EYA3: variants seen among roughly 807,000 people sequenced by gnomAD.
EYA3 encodes the protein protein phosphatase EYA3.
Under a neutral mutation model 80.0 loss-of-function variants are expected in EYA3, and 39 were observed. The ratio of observed to expected loss-of-function variants is 0.49; its 90% confidence interval spans 0.38 to 0.64. EYA3 has a LOEUF of 0.64. Among genes scored for constraint, EYA3 ranks in the 30% least tolerant of loss-of-function variants. The pLI is 0.00. For missense variants in EYA3, 523 were observed against 676.1 expected, an observed-to-expected ratio of 0.77 and a Z score of 2.51; for synonymous variants, 206 against 232.8, an observed-to-expected ratio of 0.88 and a Z score of 1.05.
chr1:28,036,631 TGCCACCATATCAGGGATA>T (rs767529066), intron 5 of EYA3, among the ~76,000 whole-genome samples: 36 of 152,358 alleles, frequency 2.4e-4, no homozygotes, highest in Non-Finnish European at 4.6e-4. Context: ...CACTAGTTGG[TGCCACCATATCAGGGATA>T]GCTAGAGATT....
intron 3 of EYA3, 126 bp downstream of exon 3, chr1:28,048,257 C>A (rs1311574443): frequency 3.4e-6 from 2 of 588,570 alleles, no homozygotes; most frequent in African/African-American, 1.9e-5. Flanking sequence ...CAAATAATTT[C>A]AAAATGTAAC....
intron 1 of EYA3, among the ~76,000 whole-genome samples, chr1:28,082,734 A>G (rs1392899930): frequency 6.6e-6 from 1 of 152,174 alleles, no homozygotes. Context: ...TTTTAAGACT[A>G]TTACATAAAT....
At chr1:27,977,276 C>A in intron 17 of EYA3, 2 of 1,545,532 alleles carry the variant, frequency 1.3e-6, no homozygotes, top group Non-Finnish European at 1.7e-6. Context: ...CAACTGATTA[C>A]CAATCTCATA....
At chr1:28,066,006 C>CA (rs1034812456) in intron 1 of EYA3, among the ~76,000 whole-genome samples, 255 of 124,660 alleles carry the variant, frequency 2.0e-3, no homozygotes, top group African/African-American at 3.9e-3. Flanking sequence ...AACTCTGTCT[C>CA]AAAAAAAAAA....
chr1:28,035,552 G>T lies in EYA3; in HGVS notation c.353C>A (p.Pro118His). ...YPQATQTYGL[P>H]PFGALWPGMK... is the part of the protein sequence containing the mutation. ...ACAATACAGTGCCTTACCAAAAGGA[G>T]GTAGTCCATACGTTTGGGTTGCCTG... is the stretch of plus-strand genomic sequence containing the variant. Residue 118 changes from proline to histidine, a missense_variant, in exon 6 of 18, where the codon CCT (proline) becomes CAT (histidine). Around this residue, in one of 2 missense-constraint regions of EYA3, gnomAD observed 304 missense variants for 343.3 expected, o/e 0.89. Transcript: ENST00000373871. 2.5e-6 allele frequency: 4 copies of T among 1,613,134 alleles called. No individual in the cohort carries two copies. Among genetic ancestry groups the T allele is most frequent in the Non-Finnish European group, 3.4e-6 (4 of 1,179,730 alleles).
chr1:27,994,233 G>C (rs748054220), intron 13 of EYA3, among the ~76,000 whole-genome samples: 1 of 152,168 alleles, frequency 6.6e-6, no homozygotes, highest in Admixed American at 6.5e-5. Context: ...CAGCTGTCAC[G>C]TGAGAACATT....
chr1:27,977,161 G>A, intron 17 of EYA3: 1 of 1,433,818 alleles, frequency 7.0e-7, no homozygotes, highest in Non-Finnish European at 9.1e-7. Flanking sequence ...CCCAAAGAGG[G>A]CAACAAGAAG....
At chr1:27,988,324 T>C in intron 16 of EYA3, 1 of 507,492 alleles carries the variant, frequency 2.0e-6, no homozygotes, top group Non-Finnish European at 3.5e-6. Flanking sequence ...TCAAAGAGCA[T>C]GCTTATGTAA....
intron 2 of EYA3, among the ~76,000 whole-genome samples, chr1:28,057,464 G>A (rs970729508): frequency 6.6e-6 from 1 of 151,488 alleles, no homozygotes; most frequent in Admixed American, 6.6e-5. Flanking sequence ...AAATATTAAG[G>A]GCCAAAAACC....
chr1:28,077,596 A>G (rs1307758910), intron 1 of EYA3, among the ~76,000 whole-genome samples: 3 of 151,692 alleles, frequency 2.0e-5, no homozygotes, highest in African/African-American at 4.8e-5. Context: ...ACTTGTCAGC[A>G]TAAGAATTTC....
rs1638737037 is a variant in EYA3 at position 27,971,677 on chromosome 1, T to G, written c.*2789A>C. On this transcript the variant is annotated 3_prime_UTR_variant, in exon 18 of 18. Coordinates refer to ENST00000373871, the MANE Select transcript of EYA3 (RefSeq NM_001990.4). Reference sequence around the variant, plus strand: ...GGAAGGACTCATCATTTGGCTAATTTCATGAGGACTCTAATGAAGAGGGTC... The same window carrying G: ...GGAAGGACTCATCATTTGGCTAATTGCATGAGGACTCTAATGAAGAGGGTC... 6.6e-6 allele frequency: 1 copy of G among 151,360 alleles called. No individual in the cohort carries two copies. Among genetic ancestry groups the G allele is most frequent in the South Asian group, 2.1e-4 (1 of 4,796 alleles). The allele number at this position is 151,360 out of a possible 1,614,324, so 9.4% of individuals were successfully genotyped here.
At chr1:28,014,417 CAAAAA>C (rs1173842687) in intron 8 of EYA3, among the ~76,000 whole-genome samples, 3,083 of 48,832 alleles carry the variant, frequency 0.063, 49 homozygotes, top group East Asian at 0.18. Context: ...CACACTGTCT[CAAAAA>C]AAAAAAAAAA....
chr1:27,974,244 T>G lies in EYA3; in HGVS notation c.*222A>C. 2.8e-6 allele frequency: 1 copy of G among 352,848 alleles called. No homozygotes were observed. The highest frequency in any genetic ancestry group is 5.3e-6 in the Non-Finnish European group (1 of 188,056). The allele number at this position is 352,848 out of a possible 1,614,324, so 21.9% of individuals were successfully genotyped here. ...GGTTCTGATTGTGTTCTCGCCAGCA[T>G]TCCATGGATAAAGACAGAGAGAGAG... On this transcript the variant is annotated 3_prime_UTR_variant, in exon 18 of 18. Coordinates refer to ENST00000373871, the MANE Select transcript of EYA3 (RefSeq NM_001990.4).
At position 27,980,868 on chromosome 1, in the gene EYA3, T is replaced by C. The variant is rs554731130; in HGVS notation, c.1541-2394A>G. 1.6e-4 allele frequency among the ~76,000 whole-genome samples: 25 copies of C among 152,312 alleles called. No homozygotes were observed. The South Asian group carries it at 5.2e-3, about 32-fold the overall frequency. On this transcript the variant is annotated intron_variant, in intron 16 of 17. Transcript: ENST00000373871. The stretch of plus-strand genomic sequence containing the variant: ...AGCTTGGGCAACACAGTGGGACCTT[T>C]TCCCTACAAAAAATTAAAAAATTAG...
intron 1 of EYA3, among the ~76,000 whole-genome samples, chr1:28,087,121 G>A (rs1645684022): frequency 6.6e-6 from 1 of 152,042 alleles, no homozygotes; most frequent in East Asian, 1.9e-4. Flanking sequence ...CACAAAAACC[G>A]CTGCAATCAA....
chr1:28,012,168 A>G (rs958721910), intron 9 of EYA3, among the ~76,000 whole-genome samples: 3 of 152,222 alleles, frequency 2.0e-5, no homozygotes, highest in Non-Finnish European at 4.4e-5. Flanking sequence ...AAAATTGTCT[A>G]TAAGTTGATA....
At chr1:28,022,965 T>C (rs1233763390) in intron 7 of EYA3, among the ~76,000 whole-genome samples, 1 of 151,974 alleles carries the variant, frequency 6.6e-6, no homozygotes, top group African/African-American at 2.4e-5. Context: ...TACCATTTTT[T>C]CCAATAAAAG....
At chr1:28,082,453 T>G (rs1645462676) in intron 1 of EYA3, among the ~76,000 whole-genome samples, 1 of 152,154 alleles carries the variant, frequency 6.6e-6, no homozygotes, top group Non-Finnish European at 1.5e-5. Context: ...CATCTTCTCA[T>G]TTAGAAAGTA....
intron 8 of EYA3, among the ~76,000 whole-genome samples, chr1:28,014,999 C>A (rs538537611): frequency 5.7e-4 from 87 of 152,076 alleles, no homozygotes; most frequent in African/African-American, 2.0e-3. Context: ...CTACCATAAA[C>A]CAAATATAAT....
Sources: gnomAD v4.1 joint callset for allele counts (sites outside exome capture counted in the v4.1 genomes callset) on GRCh38, gnomAD v4.1.1 for gene constraint, gnomAD v4.1.1 regional missense constraint, MANE v1.5 for transcripts, NCBI Gene and HGNC (gene_info 2026-07-23, HGNC 2026-07-21) for gene names.